The following LOC128462377 variants were observed in gnomAD, a reference collection of about 807,000 sequenced individuals.
At chr16:89,375,318 G>A in the LOC128462377 span, among the ~76,000 whole-genome samples, 1 of 152,338 alleles carries the variant, frequency 6.6e-6, no homozygotes, top group Non-Finnish European at 1.5e-5. Flanking sequence ...GCTAGTTGCG[G>A]TAGCATGGGC....
the LOC128462377 span, among the ~76,000 whole-genome samples, chr16:89,336,435 G>T: frequency 1.3e-5 from 2 of 152,352 alleles, no homozygotes; most frequent in South Asian, 4.1e-4. Context: ...GGGCTTCTGT[G>T]GTGCTAGGGA....
the LOC128462377 span, chr16:89,343,558 C>G: frequency 6.6e-6 from 1 of 152,166 alleles, no homozygotes; most frequent in Non-Finnish European, 1.5e-5. Context: ...AGGGTGCACG[C>G]GAAACACAGT....
At chr16:89,317,795 T>C in the LOC128462377 span, among the ~76,000 whole-genome samples, 1 of 152,186 alleles carries the variant, frequency 6.6e-6, no homozygotes, top group Non-Finnish European at 1.5e-5. Flanking sequence ...TTAGGAAATT[T>C]TGCCATCTTA....
At chr16:89,382,649 AT>A in the LOC128462377 span, among the ~76,000 whole-genome samples, 1 of 148,014 alleles carries the variant, frequency 6.8e-6, no homozygotes, top group Non-Finnish European at 1.5e-5. Context: ...CAAATAAACA[AT>A]TCCCCCCCTC....
At chr16:89,327,069 G>A in the LOC128462377 span, among the ~76,000 whole-genome samples, 176 of 38,988 alleles carry the variant, frequency 4.5e-3, no homozygotes, top group African/African-American at 0.01. Flanking sequence ...CAGAGGTGGG[G>A]AATGCAGAGG....
the LOC128462377 span, among the ~76,000 whole-genome samples, chr16:89,322,930 G>A: frequency 6.6e-6 from 1 of 152,236 alleles, no homozygotes; most frequent in African/African-American, 2.4e-5. Flanking sequence ...TGTAGCCTCC[G>A]CCTCCTGGGC....
At chr16:89,362,102 C>A in the LOC128462377 span, among the ~76,000 whole-genome samples, 14 of 152,352 alleles carry the variant, frequency 9.2e-5, no homozygotes, top group Admixed American at 9.1e-4. Flanking sequence ...CAAGTTTCAA[C>A]ATGAGATACA....
At chr16:89,360,196 T>C in the LOC128462377 span, among the ~76,000 whole-genome samples, 37 of 152,240 alleles carry the variant, frequency 2.4e-4, no homozygotes, top group Non-Finnish European at 5.0e-4. Context: ...CTGAGGCTAA[T>C]AGCCTCCAGC....
the LOC128462377 span, among the ~76,000 whole-genome samples, chr16:89,398,448 C>A: frequency 7.4e-4 from 97 of 131,132 alleles, 7 homozygotes; most frequent in African/African-American, 3.1e-3. Context: ...TGTGAAACAG[C>A]TGAAGATTAC....
At chr16:89,390,669 G>T in the LOC128462377 span, among the ~76,000 whole-genome samples, 1 of 152,104 alleles carries the variant, frequency 6.6e-6, no homozygotes, top group African/African-American at 2.4e-5. Flanking sequence ...AGGCAAAAGG[G>T]ACGACAGGTT....
At chr16:89,393,164 C>G in the LOC128462377 span, among the ~76,000 whole-genome samples, 1 of 152,146 alleles carries the variant, frequency 6.6e-6, no homozygotes, top group Non-Finnish European at 1.5e-5. Context: ...GGACCTGGCA[C>G]CTTCTTGCTA....
At chr16:89,345,672 G>T in the LOC128462377 span, among the ~76,000 whole-genome samples, 3 of 152,230 alleles carry the variant, frequency 2.0e-5, no homozygotes, top group African/African-American at 7.2e-5. Context: ...AGATTGGAAT[G>T]GAAAAAGTAA....
chr16:89,344,334 G>A, the LOC128462377 span, among the ~76,000 whole-genome samples: 1 of 152,214 alleles, frequency 6.6e-6, no homozygotes, highest in Admixed American at 6.5e-5. Flanking sequence ...CAAAGAGACA[G>A]GAGCTGCAAC....
At chr16:89,359,502 A>G in the LOC128462377 span, among the ~76,000 whole-genome samples, 1 of 152,210 alleles carries the variant, frequency 6.6e-6, no homozygotes, top group Non-Finnish European at 1.5e-5. Context: ...AGATGGCAGC[A>G]CTGTGACCTC....
At chr16:89,394,717 T>C in the LOC128462377 span, among the ~76,000 whole-genome samples, 1 of 152,130 alleles carries the variant, frequency 6.6e-6, no homozygotes, top group African/African-American at 2.4e-5. Context: ...ACTGCTTTCA[T>C]ATACAGGAGT....
the LOC128462377 span, among the ~76,000 whole-genome samples, chr16:89,334,144 T>TAAAAAAAAAAAAAAAAAAA: frequency 4.1e-4 from 17 of 41,414 alleles, 2 homozygotes; most frequent in African/African-American, 1.4e-3. Flanking sequence ...CCCTGTGTTT[T>TAAAAAAAAAAAAAAAAAAA]AAAAAAAAAA....
chr16:89,325,469 TCACACACACA>T, the LOC128462377 span, among the ~76,000 whole-genome samples: 4 of 147,742 alleles, frequency 2.7e-5, no homozygotes, highest in African/African-American at 5.2e-5. Context: ...TCTCTCTCTC[TCACACACACA>T]CACACACACA....
chr16:89,407,252 C>T, the LOC128462377 span, among the ~76,000 whole-genome samples: 1 of 151,538 alleles, frequency 6.6e-6, no homozygotes, highest in Non-Finnish European at 1.5e-5. Context: ...CGAGGAACAT[C>T]AGCAAAGGAC....
chr16:89,371,204 C>A, the LOC128462377 span, among the ~76,000 whole-genome samples: 1 of 152,176 alleles, frequency 6.6e-6, no homozygotes, highest in Non-Finnish European at 1.5e-5. Context: ...CAACGACTCT[C>A]ACTACCTCCC....
Sources: allele counts gnomAD v4.1 joint callset (sites outside exome capture counted in the v4.1 genomes callset), GRCh38; gene constraint gnomAD v4.1.1; transcripts MANE v1.5.